Variants in SLC30A4 observed in about 807,000 individuals in gnomAD.
The protein encoded by SLC30A4 is solute carrier family 30 member 4, also known as probable proton-coupled zinc antiporter SLC30A4.
A neutral mutation model predicts 41.7 loss-of-function variants in SLC30A4; 20 were observed. The ratio of observed to expected loss-of-function variants is 0.48; its 90% CI spans 0.34 to 0.70. The LOEUF (loss-of-function observed/expected upper bound fraction) is 0.70, where lower values mean the gene tolerates loss of function less well. Ranked by LOEUF, SLC30A4 falls within the 30% of genes least tolerant of loss-of-function variation. The pLI, the probability that SLC30A4 is intolerant of heterozygous loss-of-function variation, is 0.01. For synonymous variants in SLC30A4, 181 were observed against 195.9 expected, an observed-to-expected ratio of 0.92 and a Z score of 0.64; for missense variants, 441 against 529.3, an observed-to-expected ratio of 0.83 and a Z score of 1.64.
intron 3 of SLC30A4, among the ~76,000 whole-genome samples, chr15:45,500,832 G>A (rs960478900): frequency 2.6e-5 from 4 of 151,700 alleles, no homozygotes; most frequent in African/African-American, 7.3e-5. Context: ...ATAGGCGGCC[G>A]CCAACATGCC....
At position 45,511,183 on chromosome 15, in the gene SLC30A4, A is replaced by G; in HGVS notation, c.493T>C (p.Ser165Pro). The G allele has an allele frequency of 6.2e-7, 1 of 1,613,972 alleles. No homozygotes were observed. Among genetic ancestry groups the G allele is most frequent in the Non-Finnish European group, 8.5e-7 (1 of 1,179,898 alleles). ...ILTLLALWLS[S>P]KSPTKRFTFG... ...GTGAATCTTTTGGTTGGTGATTTTG[A>G]TGATAGCCACAAAGCAAGCAGGGTG... Residue 165 changes from serine (S) to proline (P), a missense_variant, in exon 3 of 8, where the codon TCA becomes CCA. By Grantham distance (74) the Ser-to-Pro change is moderately conservative. Coordinates refer to ENST00000261867, the MANE Select transcript of SLC30A4 (RefSeq NM_013309.6).
intron 3 of SLC30A4, among the ~76,000 whole-genome samples, chr15:45,499,709 A>G (rs970049009): frequency 6.6e-6 from 1 of 152,190 alleles, no homozygotes; most frequent in Admixed American, 6.6e-5. Context: ...AAATTGTATT[A>G]CCTTCCAGAA....
rs1033265115 is a variant in SLC30A4, at chr15:45,488,921, T to C, written c.814A>G (p.Arg272Gly). ...CCCAAAGCATGTACAAATGCAGCTC[T>C]CACTGCCAGGCTATCCTGCCCATGG... ...RNHGQDSLAV[R>G]AAFVHALGDL... The change falls in exon 5 of 8, where the codon AGA becomes GGA. Residue 272 changes from arginine (R) to glycine (G), a missense_variant. Physicochemically the swap from Arg to Gly is moderately radical, Grantham distance 125. This residue lies in a region of SLC30A4 where 312 missense variants were observed against 341.9 expected (regional missense o/e 0.91). Coordinates refer to ENST00000261867, the MANE Select transcript of SLC30A4 (RefSeq NM_013309.6). The C allele has an allele frequency of 1.2e-6, 2 of 1,614,014 alleles. No individual in the cohort carries two copies. Among genetic ancestry groups the C allele is most frequent in the African/African-American group, 2.7e-5 (2 of 74,916 alleles).
rs572702331 is a variant in SLC30A4 at position 45,521,922 on chromosome 15, C to G, written c.391+42G>C. On this transcript the variant is annotated intron_variant, in intron 2 of 7. Transcript: ENST00000261867. ...GTAACTACAGCTTGACAAAGACTCT[C>G]GAGGAAAGGTAAACGGAAAGTGAGT... 1.3e-5 allele frequency: 20 copies of G among 1,581,672 alleles called. No homozygotes were observed. In the Admixed American group the frequency reaches 2.2e-4, roughly 18 times the overall value.
intron 3 of SLC30A4, among the ~76,000 whole-genome samples, chr15:45,495,126 AGAGT>A (rs774622356): frequency 5.3e-5 from 8 of 151,946 alleles, no homozygotes; most frequent in Non-Finnish European, 1.2e-4. Context: ...AGCCAGGGTG[AGAGT>A]GAGACCCCTG....
In SLC30A4 at chr15:45,485,087, A is replaced by G; in HGVS notation, c.*76T>C. 1 of 1,194,538 alleles carries G rather than the reference A, an allele frequency of 8.4e-7. No homozygotes were observed. The highest frequency in any genetic ancestry group is 2.4e-5 in the East Asian group (1 of 41,046). 74.0% of individuals were successfully genotyped at this position (1,194,538 alleles called of 1,614,324 possible). On this transcript the variant is annotated 3_prime_UTR_variant, in exon 8 of 8. Coordinates refer to ENST00000261867, the MANE Select transcript of SLC30A4 (RefSeq NM_013309.6). ...CAGCTGTCAGGGATTCCATTTTCTC[A>G]TTTAGGTTTGCATTTATTGCTCTCA...
intron 3 of SLC30A4, among the ~76,000 whole-genome samples, chr15:45,496,381 T>C (rs1023154385): frequency 1.3e-5 from 2 of 152,274 alleles, no homozygotes; most frequent in South Asian, 2.1e-4. Flanking sequence ...CTGCTCCAAT[T>C]TTCTCATTCT....
intron 2 of SLC30A4, chr15:45,521,079 A>T (rs973038321): frequency 2.3e-6 from 1 of 434,402 alleles, no homozygotes; most frequent in Non-Finnish European, 4.6e-6. Flanking sequence ...AAACATCTTA[A>T]ATCTGGACTG....
At chr15:45,505,420 G>A (rs1324097955) in intron 3 of SLC30A4, among the ~76,000 whole-genome samples, 1 of 152,114 alleles carries the variant, frequency 6.6e-6, no homozygotes, top group Non-Finnish European at 1.5e-5. Flanking sequence ...TTGTCAGATA[G>A]AGTGTAAAAT....
chr15:45,482,562 T>TA lies in SLC30A4; in HGVS notation c.*2600dup, dbSNP rs1212265501. The TA allele has an allele frequency of 1.3e-5, 2 of 152,104 alleles. No homozygotes were observed. The highest frequency in any genetic ancestry group is 2.9e-5 in the Non-Finnish European group (2 of 68,022). 9.4% of individuals were successfully genotyped at this position (152,104 alleles called of 1,614,324 possible). A position where few individuals can be genotyped will look rare whatever the true frequency, so the allele number is the denominator to read the frequency against. On this transcript the variant is annotated 3_prime_UTR_variant, in exon 8 of 8. Coordinates refer to ENST00000261867, the MANE Select transcript of SLC30A4 (RefSeq NM_013309.6). ...TTACAAGAAACAAGCTCAATAGATATAAAAAAATGATTAGAGTATGATGAA... is the reference window on the plus strand; with the variant it reads ...TTACAAGAAACAAGCTCAATAGATATAAAAAAAATGATTAGAGTATGATGAA...
rs1891605411 is a variant in SLC30A4, at chr15:45,481,801, A to G, written c.*3362T>C. The G allele has an allele frequency of 6.6e-6, 1 of 152,164 alleles. No individual in the cohort carries two copies. Among genetic ancestry groups the G allele is most frequent in the Admixed American group, 6.5e-5 (1 of 15,270 alleles). The allele number at this position is 152,164 out of a possible 1,614,324, so 9.4% of individuals were successfully genotyped here. A position where few individuals can be genotyped will look rare whatever the true frequency, so the allele number is the denominator to read the frequency against. ...GGTTAAGTTACAAAAAGTGAAATCAAATTCTCAAATCTCATAGACTCCGTA... is the reference window on the plus strand; with the variant it reads ...GGTTAAGTTACAAAAAGTGAAATCAGATTCTCAAATCTCATAGACTCCGTA... On this transcript the variant is annotated 3_prime_UTR_variant, in exon 8 of 8. Coordinates refer to ENST00000261867, the MANE Select transcript of SLC30A4 (RefSeq NM_013309.6).
At chr15:45,498,918 G>A (rs546371839) in intron 3 of SLC30A4, among the ~76,000 whole-genome samples, 6 of 152,074 alleles carry the variant, frequency 3.9e-5, no homozygotes, top group African/African-American at 1.4e-4. Flanking sequence ...AGCAAGAGGG[G>A]ATAAAAAAAT....
At chr15:45,507,617 A>C (rs766955026) in intron 3 of SLC30A4, among the ~76,000 whole-genome samples, 41 of 150,748 alleles carry the variant, frequency 2.7e-4, no homozygotes, top group Non-Finnish European at 4.9e-4. Flanking sequence ...CCTCCCATGC[A>C]GCTGGTATTA....
chr15:45,493,572 AG>A (rs1891850889), intron 3 of SLC30A4, among the ~76,000 whole-genome samples: 1 of 152,212 alleles, frequency 6.6e-6, no homozygotes, highest in Admixed American at 6.5e-5. Flanking sequence ...TCACGCCTGT[AG>A]TCCCAGCACT....
intron 3 of SLC30A4, among the ~76,000 whole-genome samples, chr15:45,494,306 AAG>A (rs1480570150): frequency 2.6e-5 from 4 of 152,188 alleles, no homozygotes; most frequent in Non-Finnish European, 4.4e-5. Context: ...AATAAGTTAA[AAG>A]AGAAGGTGTA....
chr15:45,508,363 G>A (rs1271215175), intron 3 of SLC30A4, among the ~76,000 whole-genome samples: 1 of 152,178 alleles, frequency 6.6e-6, no homozygotes, highest in Non-Finnish European at 1.5e-5. Context: ...TGCCTGAGTA[G>A]AGGTAGGAGT....
chr15:45,487,509 G>T lies in SLC30A4; in HGVS notation c.1000+18C>A. 1 of 1,132,954 alleles carries T rather than the reference G, an allele frequency of 8.8e-7. No homozygotes were observed. Among genetic ancestry groups the T allele is most frequent in the South Asian group, 1.2e-5 (1 of 80,776 alleles). 70.2% of individuals were successfully genotyped at this position (1,132,954 alleles called of 1,614,324 possible). A position where few individuals can be genotyped will look rare whatever the true frequency, so the allele number is the denominator to read the frequency against. On this transcript the variant is annotated intron_variant, in intron 6 of 7. Coordinates refer to ENST00000261867, the MANE Select transcript of SLC30A4 (RefSeq NM_013309.6). ...AGGGAAGTAATAAACTCATAATGAG[G>T]ATATAGTGAGATCTTACCTTCTAGT...
At chr15:45,520,000 T>A (rs919291368) in intron 2 of SLC30A4, among the ~76,000 whole-genome samples, 1 of 152,206 alleles carries the variant, frequency 6.6e-6, no homozygotes, top group Non-Finnish European at 1.5e-5. Flanking sequence ...TATAATTATC[T>A]AACAGAATAA....
intron 3 of SLC30A4, among the ~76,000 whole-genome samples, chr15:45,501,702 G>A (rs982482573): frequency 7.2e-5 from 11 of 151,980 alleles, no homozygotes; most frequent in African/African-American, 1.5e-4. Context: ...TAGGGGTCTC[G>A]CTTTGTTGCC....
Sources: allele counts gnomAD v4.1 joint callset (sites outside exome capture counted in the v4.1 genomes callset), GRCh38; gene constraint gnomAD v4.1.1; regional missense constraint gnomAD v4.1.1; transcripts MANE v1.5; gene names NCBI Gene and HGNC (gene_info 2026-07-23, HGNC 2026-07-21).